EPHB1: variants seen among roughly 807,000 people sequenced by gnomAD.
EPHB1 encodes the protein EPH receptor B1, also known as ephrin type-B receptor 1.
EPHB1 carries 30 observed loss-of-function variants against 94.4 expected under a neutral mutation model. The observed-to-expected ratio is 0.32, with a 90% CI of 0.24 to 0.43. The LOEUF is 0.43. EPHB1 is among the 20% of genes least tolerant of loss of function. The pLI, the probability that EPHB1 is intolerant of heterozygous loss-of-function variation, is 1.00. For synonymous variants in EPHB1, 522 were observed against 489.1 expected, an observed-to-expected ratio of 1.07 and a Z score of -0.89; for missense variants, 1,055 against 1,308.3, an observed-to-expected ratio of 0.81 and a Z score of 2.99.
At chr3:134,799,694 T>C (rs1462141705) in intron 1 of EPHB1, among the ~76,000 whole-genome samples, 1 of 152,224 alleles carries the variant, frequency 6.6e-6, no homozygotes, top group East Asian at 1.9e-4. Flanking sequence ...AGTGTCCGGC[T>C]CCAGCCCCTT....
rs145594126 is a variant in EPHB1, at chr3:134,821,671, C to T, written c.58+25982C>T. 9.2e-5 allele frequency among the ~76,000 whole-genome samples: 14 copies of T among 152,218 alleles called. No individual in the cohort carries two copies. The East Asian group carries it at 2.1e-3, about 23-fold the overall frequency. The stretch of plus-strand genomic sequence containing the variant: ...GAAGAAAACACTCCCAAACCATAGG[C>T]GATGAAGGGCAGAAGCCTGGCTCTG... On this transcript the variant is annotated intron_variant, in intron 1 of 15. Transcript: ENST00000398015.
chr3:135,063,273 T>C (rs1006463334), intron 3 of EPHB1, among the ~76,000 whole-genome samples: 1 of 152,192 alleles, frequency 6.6e-6, no homozygotes, highest in Admixed American at 6.5e-5. Flanking sequence ...AGATTGCCTT[T>C]GGCAATATGG....
chr3:135,086,239 C>G (rs559405671), intron 3 of EPHB1, among the ~76,000 whole-genome samples: 1 of 151,690 alleles, frequency 6.6e-6, no homozygotes, highest in African/African-American at 2.4e-5. Flanking sequence ...ATCAGCCAGG[C>G]CCAACAGGAT....
intron 3 of EPHB1, among the ~76,000 whole-genome samples, chr3:135,029,132 A>T (rs1936312783): frequency 1.6e-5 from 1 of 60,630 alleles, no homozygotes; most frequent in Non-Finnish European, 4.2e-5. Context: ...TGCACGTGAG[A>T]TGGGTTTCTT....
intron 1 of EPHB1, among the ~76,000 whole-genome samples, chr3:134,892,457 CT>C (rs1218106184): frequency 5.3e-5 from 8 of 152,222 alleles, no homozygotes; most frequent in Non-Finnish European, 7.3e-5. Flanking sequence ...TTAACTCTGT[CT>C]TAAGAAGAGG....
In EPHB1 at chr3:135,258,237, TGTTA is replaced by T. The variant is rs1443352111; in HGVS notation, c.2847-774_2847-771del. 3.9e-5 allele frequency among the ~76,000 whole-genome samples: 6 copies of T among 152,358 alleles called. No individual in the cohort carries two copies. The East Asian group carries it at 7.7e-4, about 20-fold the overall frequency. On this transcript the variant is annotated intron_variant, in intron 15 of 15. Transcript: ENST00000398015. ...CGGCCATCTTGGCTCCTCCAATCAC[TGTTA>T]ATTAAATTTTTATCATCATTGTGTT...
intron 3 of EPHB1, among the ~76,000 whole-genome samples, chr3:135,044,929 A>G (rs1936954076): frequency 6.6e-6 from 1 of 151,892 alleles, no homozygotes; most frequent in Non-Finnish European, 1.5e-5. Context: ...TGAGGCTTTT[A>G]ATGTTTTCAG....
chr3:135,248,195 C>A, intron 13 of EPHB1, 121 bp from the exon 14 acceptor site: 1 of 917,962 alleles, frequency 1.1e-6, no homozygotes, highest in Non-Finnish European at 1.6e-6. Flanking sequence ...GGTGTGCAAG[C>A]ACAGAGCAAG....
intron 3 of EPHB1, among the ~76,000 whole-genome samples, chr3:135,101,398 C>T (rs1181221358): frequency 6.6e-6 from 1 of 151,358 alleles, no homozygotes; most frequent in Non-Finnish European, 1.5e-5. Context: ...TAATGCGACA[C>T]AGTCTCACTC....
At chr3:135,099,703 GC>G in intron 3 of EPHB1, among the ~76,000 whole-genome samples, 1 of 152,326 alleles carries the variant, frequency 6.6e-6, no homozygotes, top group East Asian at 1.9e-4. Flanking sequence ...CCAATGTGGG[GC>G]CACAGGACCT....
chr3:135,217,391 C>T (rs1317611827), intron 12 of EPHB1, among the ~76,000 whole-genome samples: 3 of 151,080 alleles, frequency 2.0e-5, no homozygotes, highest in African/African-American at 7.3e-5. Context: ...GTGAACTTCC[C>T]CTAAAGCCTG....
At chr3:135,027,393 A>T (rs1479603997) in intron 3 of EPHB1, among the ~76,000 whole-genome samples, 11 of 145,594 alleles carry the variant, frequency 7.6e-5, no homozygotes, top group Non-Finnish European at 3.0e-5. Flanking sequence ...CGTCCCATCA[A>T]TACCTAATTT....
intron 3 of EPHB1, among the ~76,000 whole-genome samples, chr3:135,036,751 C>T (rs796504617): frequency 6.6e-6 from 1 of 152,178 alleles, no homozygotes; most frequent in South Asian, 2.1e-4. Flanking sequence ...GCAGCTAGGT[C>T]AGCTAGGTCC....
intron 3 of EPHB1, among the ~76,000 whole-genome samples, chr3:135,090,688 T>A (rs1938521574): frequency 6.6e-6 from 1 of 152,182 alleles, no homozygotes; most frequent in Admixed American, 6.5e-5. Context: ...TCCATGCCCA[T>A]GTCTGCAGTG....
intron 3 of EPHB1, among the ~76,000 whole-genome samples, chr3:135,025,090 C>G (rs1417588960): frequency 7.1e-6 from 1 of 141,066 alleles, no homozygotes; most frequent in Non-Finnish European, 1.5e-5. Flanking sequence ...TCTATACAAC[C>G]TTCCTTCCTT....
chr3:134,999,982 A>G (rs1369364559), intron 3 of EPHB1, among the ~76,000 whole-genome samples: 2 of 152,166 alleles, frequency 1.3e-5, no homozygotes, highest in East Asian at 1.9e-4. Flanking sequence ...CAGGCACACA[A>G]TGCACTCTGT....
intron 3 of EPHB1, among the ~76,000 whole-genome samples, chr3:135,052,926 T>G (rs1937218648): frequency 1.8e-5 from 2 of 109,878 alleles, no homozygotes; most frequent in Admixed American, 1.9e-4. Flanking sequence ...TGTGTGTGTG[T>G]GTGTGTATAT....
chr3:134,836,485 T>C (rs528833136), intron 1 of EPHB1, among the ~76,000 whole-genome samples: 1 of 152,296 alleles, frequency 6.6e-6, no homozygotes, highest in East Asian at 1.9e-4. Flanking sequence ...GGCCAAACCA[T>C]CTTCAATGTA....
At chr3:135,173,130 G>A (rs984943512) in intron 9 of EPHB1, among the ~76,000 whole-genome samples, 1 of 150,650 alleles carries the variant, frequency 6.6e-6, no homozygotes, top group Non-Finnish European at 1.5e-5. Flanking sequence ...CGCCTCCCGG[G>A]TTCACGCCAT....
Sources: allele counts gnomAD v4.1 joint callset (sites outside exome capture counted in the v4.1 genomes callset), GRCh38; gene constraint gnomAD v4.1.1; transcripts MANE v1.5; gene names NCBI Gene and HGNC (gene_info 2026-07-23, HGNC 2026-07-21).